VAX2: variants seen among roughly 807,000 people sequenced by gnomAD.
The protein encoded by VAX2 is ventral anterior homeobox 2.
Under a neutral mutation model 12.5 loss-of-function variants are expected in VAX2, and 8 were observed. The observed-to-expected ratio is 0.64, with a 90% CI of 0.37 to 1.15. VAX2 has a LOEUF of 1.15. Ranked by LOEUF, VAX2 falls within the 50% of genes most tolerant of loss-of-function variation. The pLI is 0.01. For missense variants in VAX2, 476 were observed against 412.9 expected (o/e 1.15, Z -1.32); for synonymous variants, 183 against 187.6 (o/e 0.98, Z 0.20).
chr2:70,926,883 G>A (rs1057293404), intron 2 of VAX2, among the ~76,000 whole-genome samples: 9 of 152,010 alleles, frequency 5.9e-5, no homozygotes, highest in African/African-American at 2.2e-4. Flanking sequence ...GGAAACTGAG[G>A]CTCCAAGAAG....
intron 1 of VAX2, among the ~76,000 whole-genome samples, chr2:70,919,263 C>T (rs998769857): frequency 2.0e-5 from 3 of 150,052 alleles, no homozygotes; most frequent in Non-Finnish European, 3.0e-5. Context: ...AAAAAAAAGA[C>T]GGTGTTTCAA....
At chr2:70,907,722 C>T (rs1487296798) in intron 1 of VAX2, among the ~76,000 whole-genome samples, 1 of 152,220 alleles carries the variant, frequency 6.6e-6, no homozygotes, top group African/African-American at 2.4e-5. Context: ...AAAAGTAATA[C>T]GAGCTCGATT....
At position 70,917,151 on chromosome 2, in the gene VAX2, CAAAAAAA is replaced by C. The variant is rs55909927; in HGVS notation, c.248-3932_248-3926del. On this transcript the variant is annotated intron_variant, in intron 1 of 2. Transcript: ENST00000234392. ...GGGCAACAAGAGTGAAACTCTGTCT[CAAAAAAA>C]AAAAAAAAAAAAAATCAGCCGCGCA... Among the ~76,000 whole-genome samples, 4 of 82,660 alleles carry C rather than the reference CAAAAAAA, an allele frequency of 4.8e-5. No individual in the cohort carries two copies. In the South Asian group the frequency reaches 1.5e-3, roughly 32 times the overall value. The allele number at this position is 82,660 out of a possible 152,430, so 54.2% of individuals were successfully genotyped here.
At chr2:70,931,792 G>A (rs1217053766) in intron 2 of VAX2, among the ~76,000 whole-genome samples, 2 of 152,260 alleles carry the variant, frequency 1.3e-5, no homozygotes, top group East Asian at 3.8e-4. Context: ...CCAATGGGGG[G>A]CTATTTGCAG....
intron 1 of VAX2, among the ~76,000 whole-genome samples, chr2:70,917,408 G>A (rs1679334081): frequency 6.6e-6 from 1 of 151,906 alleles, no homozygotes; most frequent in Non-Finnish European, 1.5e-5. Context: ...TTTATTCTGG[G>A]TTGTAGGGTA....
At chr2:70,908,942 C>T (rs527405792) in intron 1 of VAX2, among the ~76,000 whole-genome samples, 1 of 152,262 alleles carries the variant, frequency 6.6e-6, no homozygotes, top group African/African-American at 2.4e-5. Flanking sequence ...TCATCTTTGT[C>T]GATCTTCATA....
At position 70,900,827 on chromosome 2, in the gene VAX2, G is replaced by A. The variant is rs1364104195; in HGVS notation, c.206G>A (p.Gly69Glu). The A allele has an allele frequency of 1.1e-5, 16 of 1,472,874 alleles. No homozygotes were observed. Among genetic ancestry groups the A allele is most frequent in the Non-Finnish European group, 1.3e-5 (15 of 1,112,814 alleles). The allele number at this position is 1,472,874 out of a possible 1,614,324, so 91.2% of individuals were successfully genotyped here. Residue 69 changes from glycine to glutamate, a missense_variant, in exon 1 of 3, where the codon GGG becomes GAG. Transcript: ENST00000234392. ...GGAGCCGACAGCGACGGGCAGCCCG[G>A]GCCCGGCGAGGCAGACCACTGCCGC... The part of the protein sequence containing the change: ...ESGADSDGQP[G>E]PGEADHCRRI...
At chr2:70,915,170 T>G (rs556677131) in intron 1 of VAX2, among the ~76,000 whole-genome samples, 1 of 152,284 alleles carries the variant, frequency 6.6e-6, no homozygotes, top group East Asian at 1.9e-4. Flanking sequence ...TTGGTGCTTT[T>G]GTCATCCAAG....
intron 2 of VAX2, among the ~76,000 whole-genome samples, chr2:70,929,465 G>A (rs1232973033): frequency 1.5e-5 from 2 of 134,238 alleles, no homozygotes; most frequent in Non-Finnish European, 3.2e-5. Flanking sequence ...GAGGTGGGCA[G>A]ATCACGAGGT....
chr2:70,900,996 A>G, intron 1 of VAX2, 128 bp downstream of exon 1: 1 of 1,019,384 alleles, frequency 9.8e-7, no homozygotes, highest in Non-Finnish European at 1.3e-6. Context: ...TCATTCATTC[A>G]GCAAATATTA....
chr2:70,913,562 A>G (rs1438987902), intron 1 of VAX2, among the ~76,000 whole-genome samples: 1 of 151,922 alleles, frequency 6.6e-6, no homozygotes, highest in African/African-American at 2.4e-5. Flanking sequence ...TGTAATCTCA[A>G]CTACTCAGGA....
At chr2:70,917,216 G>A (rs949377176) in intron 1 of VAX2, among the ~76,000 whole-genome samples, 4 of 150,308 alleles carry the variant, frequency 2.7e-5, no homozygotes, top group African/African-American at 4.9e-5. Flanking sequence ...CAGCTACTCA[G>A]GAGGCTGAGA....
intron 1 of VAX2, among the ~76,000 whole-genome samples, chr2:70,903,401 C>T (rs1678977308): frequency 1.3e-5 from 2 of 152,202 alleles, no homozygotes; most frequent in Admixed American, 6.5e-5. Context: ...ATTCTGCACT[C>T]CTCCACCTAA....
chr2:70,932,578 T>C (rs993055829), intron 2 of VAX2, among the ~76,000 whole-genome samples, 189 bp from the exon 3 acceptor site: 2 of 151,826 alleles, frequency 1.3e-5, no homozygotes, highest in Non-Finnish European at 2.9e-5. Flanking sequence ...TACAGCAGGA[T>C]GGTTGTGGGG....
At chr2:70,917,151 CAAAAAAAA>C (rs55909927) in intron 1 of VAX2, among the ~76,000 whole-genome samples, 90 of 82,660 alleles carry the variant, frequency 1.1e-3, no homozygotes, top group Non-Finnish European at 1.6e-3. Context: ...AACTCTGTCT[CAAAAAAAA>C]AAAAAAAAAA....
rs528363155 is a variant in VAX2, at chr2:70,931,601, G to A, written c.436-1166G>A. Among the ~76,000 whole-genome samples, 9 of 152,310 alleles carry A rather than the reference G, an allele frequency of 5.9e-5. No homozygotes were observed. In the East Asian group the frequency reaches 1.2e-3, roughly 20 times the overall value. ...GGACTCTGCAAAGCCAAGGGGTCTCGCCTGCCAGAAGCCTGTGCCCACCTT... is the reference window on the plus strand; with the variant it reads ...GGACTCTGCAAAGCCAAGGGGTCTCACCTGCCAGAAGCCTGTGCCCACCTT... On this transcript the variant is annotated intron_variant, in intron 2 of 2. Transcript: ENST00000234392.
intron 1 of VAX2, among the ~76,000 whole-genome samples, chr2:70,906,078 A>G (rs1402424213): frequency 6.6e-6 from 1 of 152,246 alleles, no homozygotes; most frequent in Admixed American, 6.5e-5. Context: ...TTGGAGAGCC[A>G]GTAGCCGGTT....
chr2:70,919,358 A>AC lies in VAX2; in HGVS notation c.248-1740_248-1739insC, dbSNP rs1679397309. On this transcript the variant is annotated intron_variant, in intron 1 of 2. Transcript: ENST00000234392. ...TTTCCTCATCTGTAAAATGGGGATC[A>AC]TATAGTTCCAAATTCATGGAGACAT... Among the ~76,000 whole-genome samples the AC allele has an allele frequency of 5.8e-5, 3 of 51,942 alleles. No individual in the cohort carries two copies. The African/African-American group carries it at 6.1e-4, about 11-fold the overall frequency. The allele number at this position is 51,942 out of a possible 152,430, so 34.1% of individuals were successfully genotyped here. A position where few individuals can be genotyped will look rare whatever the true frequency, so the allele number is the denominator to read the frequency against.
At chr2:70,919,249 A>AT (rs1679393448) in intron 1 of VAX2, among the ~76,000 whole-genome samples, 1 of 150,404 alleles carries the variant, frequency 6.6e-6, no homozygotes, top group African/African-American at 2.4e-5. Context: ...AAAAAAAAGA[A>AT]TAAAAAAAAA....
Sources: allele counts gnomAD v4.1 joint callset (sites outside exome capture counted in the v4.1 genomes callset), GRCh38; gene constraint gnomAD v4.1.1; transcripts MANE v1.5; gene names NCBI Gene and HGNC (gene_info 2026-07-23, HGNC 2026-07-21).